The following SFMBT1 variants were observed in gnomAD, a reference collection of about 807,000 sequenced individuals.
SFMBT1 encodes Scm like with four mbt domains 1, also known as scm-like with four MBT domains protein 1.
In SFMBT1, 32 loss-of-function variants were observed where a neutral mutation model predicts 108.7. The ratio of observed to expected loss-of-function variants is 0.29; its 90% CI spans 0.22 to 0.40. SFMBT1 has a LOEUF of 0.40. Among genes scored for constraint, SFMBT1 ranks in the 10% least tolerant of loss-of-function variants. The probability of loss-of-function intolerance (pLI) is 1.00; values close to 1 mark genes in which losing one functional copy is unlikely to be tolerated. For missense variants in SFMBT1, 816 were observed against 1,059.6 expected, an observed-to-expected ratio of 0.77 and a Z score of 3.19; for synonymous variants, 348 against 369.5, an observed-to-expected ratio of 0.94 and a Z score of 0.67.
At chr3:52,910,780 C>A (rs1702195641) in intron 17 of SFMBT1, among the ~76,000 whole-genome samples, 1 of 152,208 alleles carries the variant, frequency 6.6e-6, no homozygotes, top group Non-Finnish European at 1.5e-5. Context: ...TGAGCCACCA[C>A]ACCCGGCCAA....
chr3:53,002,196 C>A (rs939725600), intron 1 of SFMBT1, among the ~76,000 whole-genome samples: 1 of 149,130 alleles, frequency 6.7e-6, no homozygotes, highest in Non-Finnish European at 1.5e-5. Flanking sequence ...GTTAGGAGAT[C>A]GAGACCATCC....
chr3:52,977,358 A>G (rs11130333), intron 1 of SFMBT1, among the ~76,000 whole-genome samples: 40,956 of 151,986 alleles, frequency 0.27, 6,063 homozygotes, highest in Middle Eastern at 0.4. Context: ...AAAATACAAA[A>G]AGATTAGCCA....
chr3:53,043,055 C>T (rs933870353), intron 1 of SFMBT1: 1 of 152,210 alleles, frequency 6.6e-6, no homozygotes, highest in African/African-American at 2.4e-5. Context: ...TTAGAACATT[C>T]CCAACTTTTA....
chr3:52,962,791 A>T (rs1704005886), intron 2 of SFMBT1, among the ~76,000 whole-genome samples: 1 of 125,184 alleles, frequency 8.0e-6, no homozygotes, highest in Non-Finnish European at 1.6e-5. Context: ...TGGGTGACAG[A>T]GCAAGGCTCC....
chr3:52,954,296 G>A, intron 3 of SFMBT1, 21 bp downstream of exon 3: 2 of 1,543,206 alleles, frequency 1.3e-6, no homozygotes, highest in Non-Finnish European at 1.8e-6. Flanking sequence ...CACCAGTAAG[G>A]CAAATATAGT....
At chr3:52,932,549 T>G (rs2106797706) in intron 5 of SFMBT1, among the ~76,000 whole-genome samples, 2 of 152,292 alleles carry the variant, frequency 1.3e-5, no homozygotes, top group Non-Finnish European at 2.9e-5. Context: ...CATCTCTATC[T>G]CTAGGACTAT....
In SFMBT1 at chr3:53,035,679, C is replaced by A. The variant is rs1238600499; in HGVS notation, c.-131+10137G>T. On this transcript the variant is annotated intron_variant, in intron 1 of 20. Coordinates refer to ENST00000394752, the MANE Select transcript of SFMBT1 (RefSeq NM_016329.4). The stretch of plus-strand genomic sequence containing the variant: ...TGGTGCCATCTCATCTCACTGAAAC[C>A]CCCACTTGCCAGGTTCAAGTGATTC... 3.3e-5 allele frequency among the ~76,000 whole-genome samples: 5 copies of A among 152,284 alleles called. No individual in the cohort carries two copies. In the East Asian group the frequency reaches 9.6e-4, roughly 29 times the overall value.
chr3:52,952,925 A>T (rs1055627526), intron 3 of SFMBT1, among the ~76,000 whole-genome samples: 1 of 152,166 alleles, frequency 6.6e-6, no homozygotes, highest in Non-Finnish European at 1.5e-5. Context: ...TACTGTTTCT[A>T]CCATGTGAAG....
At chr3:52,954,636 GCTAT>G (rs972752529) in intron 2 of SFMBT1, among the ~76,000 whole-genome samples, 1 of 152,160 alleles carries the variant, frequency 6.6e-6, no homozygotes, top group African/African-American at 2.4e-5. Flanking sequence ...AGTTTGACAT[GCTAT>G]CTCTTGCTGA....
At chr3:53,031,512 A>G (rs1045114724) in intron 1 of SFMBT1, among the ~76,000 whole-genome samples, 3 of 152,200 alleles carry the variant, frequency 2.0e-5, no homozygotes, top group African/African-American at 4.8e-5. Context: ...ATCAAAATAG[A>G]TATTTAAAGC....
chr3:52,929,175 C>T (rs1425287524), intron 8 of SFMBT1, among the ~76,000 whole-genome samples: 7 of 152,200 alleles, frequency 4.6e-5, no homozygotes, highest in Admixed American at 1.3e-4. Context: ...TTAGTTTAAG[C>T]TTATGCTACT....
intron 1 of SFMBT1, among the ~76,000 whole-genome samples, chr3:53,005,504 G>T (rs956482556): frequency 6.6e-6 from 1 of 152,190 alleles, no homozygotes; most frequent in Non-Finnish European, 1.5e-5. Context: ...ACAGGATTGG[G>T]TCTCACTGTG....
At chr3:52,986,883 T>C (rs1704940277) in intron 1 of SFMBT1, among the ~76,000 whole-genome samples, 1 of 151,974 alleles carries the variant, frequency 6.6e-6, no homozygotes, top group Non-Finnish European at 1.5e-5. Flanking sequence ...GAGGTTGCAG[T>C]GAGCCGAGAT....
chr3:52,941,262 T>C (rs1387097540), intron 4 of SFMBT1, among the ~76,000 whole-genome samples: 1 of 152,162 alleles, frequency 6.6e-6, no homozygotes, highest in Non-Finnish European at 1.5e-5. Flanking sequence ...ACATGACAAC[T>C]GAATGTAACA....
chr3:52,965,355 C>A (rs1286886819), intron 2 of SFMBT1, among the ~76,000 whole-genome samples: 1 of 150,160 alleles, frequency 6.7e-6, no homozygotes, highest in Non-Finnish European at 1.5e-5. Flanking sequence ...GTCTGAGGGA[C>A]CTGTGGGACA....
intron 12 of SFMBT1, among the ~76,000 whole-genome samples, chr3:52,919,262 T>C (rs750496880): frequency 1.3e-5 from 2 of 151,862 alleles, no homozygotes; most frequent in African/African-American, 2.4e-5. Flanking sequence ...AGTCAAAAAA[T>C]GGAAACAATT....
intron 20 of SFMBT1, among the ~76,000 whole-genome samples, chr3:52,905,545 T>C (rs1702045336): frequency 6.6e-6 from 1 of 152,214 alleles, no homozygotes; most frequent in Admixed American, 6.5e-5. Context: ...CCCATAGAAA[T>C]TTAGTAAACT....
chr3:52,961,016 G>C (rs1703943231), intron 2 of SFMBT1, among the ~76,000 whole-genome samples: 1 of 152,156 alleles, frequency 6.6e-6, no homozygotes. Flanking sequence ...GTGAGTGGCT[G>C]TAGTCCCAGC....
chr3:52,943,485 G>A lies in SFMBT1; in HGVS notation c.232C>T (p.Gln78Ter), dbSNP rs1559520369. 6.2e-7 allele frequency: 1 copy of A among 1,614,144 alleles called. No individual in the cohort carries two copies. The change falls in exon 4 of 21, where the codon CAG (glutamine) becomes TAG (stop). Residue 78 changes from glutamine to a stop codon, truncating the protein, a stop_gained. Coordinates refer to ENST00000394752, the MANE Select transcript of SFMBT1 (RefSeq NM_016329.4). LOFTEE classifies it high-confidence loss of function. Reference sequence around the variant, plus strand: ...CCATCATAGCGGAGAAGGAGCAACTGCTCACAGGTAGTGATAACGGTGGCA... The same window carrying A: ...CCATCATAGCGGAGAAGGAGCAACTACTCACAGGTAGTGATAACGGTGGCA... ...WVATVITTCE[Q>*]LLLLRYDGYG...
Sources: allele counts gnomAD v4.1 joint callset (sites outside exome capture counted in the v4.1 genomes callset), GRCh38; gene constraint gnomAD v4.1.1; transcripts MANE v1.5; gene names NCBI Gene and HGNC (gene_info 2026-07-23, HGNC 2026-07-21).